Variants in PSAT1 observed in about 807,000 individuals in gnomAD.
PSAT1 encodes the protein phosphoserine aminotransferase 1.
PSAT1 carries 41 observed loss-of-function variants against 40.3 expected under a neutral mutation model. That is an observed-to-expected ratio of 1.02 (90% CI 0.79 to 1.32). The LOEUF is 1.32. Among genes scored for constraint, PSAT1 ranks in the 40% most tolerant of loss-of-function variants. The pLI is 0.00. For synonymous variants in PSAT1, 147 were observed against 170.5 expected (o/e 0.86, Z 1.07); for missense variants, 406 against 455.8 (o/e 0.89, Z 0.99).
chr9:78,298,368 T>C, intron 1 of PSAT1: 2 of 985,328 alleles, frequency 2.0e-6, no homozygotes, highest in Non-Finnish European at 2.4e-6. Flanking sequence ...AGTAGAAATC[T>C]CCCTGGGACA....
intron 6 of PSAT1, among the ~76,000 whole-genome samples, chr9:78,313,713 T>C (rs1414666495): frequency 6.6e-6 from 1 of 152,162 alleles, no homozygotes; most frequent in Non-Finnish European, 1.5e-5. Context: ...AGTGTGATGA[T>C]AGCTCTCAGA....
chr9:78,299,449 A>G (rs1828075153), intron 1 of PSAT1, among the ~76,000 whole-genome samples: 1 of 150,714 alleles, frequency 6.6e-6, no homozygotes, highest in Non-Finnish European at 1.5e-5. Context: ...AGCATCCAAC[A>G]TTTCAGAAAA....
chr9:78,329,336 G>C lies in PSAT1; in HGVS notation c.*250G>C, dbSNP rs187331280. ...CTTGTTGCTTTTCTAACAAATTCCC[G>C]CGTATTTTGCCTTTGCTGCTACTTT... On this transcript the variant is annotated 3_prime_UTR_variant, in exon 9 of 9. Coordinates refer to ENST00000376588, the MANE Select transcript of PSAT1 (RefSeq NM_058179.4). 1 of 485,288 alleles carries C rather than the reference G, an allele frequency of 2.1e-6. No homozygotes were observed. The highest frequency in any genetic ancestry group is 3.9e-5 in the East Asian group (1 of 25,788). The allele number at this position is 485,288 out of a possible 1,614,324, so 30.1% of individuals were successfully genotyped here. A position where few individuals can be genotyped will look rare whatever the true frequency, so the allele number is the denominator to read the frequency against.
chr9:78,313,252 G>C (rs1320983173), intron 6 of PSAT1, among the ~76,000 whole-genome samples: 1 of 152,176 alleles, frequency 6.6e-6, no homozygotes, highest in African/African-American at 2.4e-5. Context: ...TGTAATCCCA[G>C]CTACTCTGGA....
intron 3 of PSAT1, among the ~76,000 whole-genome samples, chr9:78,304,436 G>T (rs775978094): frequency 1.3e-5 from 2 of 152,196 alleles, no homozygotes; most frequent in African/African-American, 4.8e-5. Context: ...GAACCATGTC[G>T]ACTGAGAGTG....
rs546514918 is a variant in PSAT1 at position 78,304,398 on chromosome 9, T to C, written c.192-337T>C. Among the ~76,000 whole-genome samples, 4 of 152,298 alleles carry C rather than the reference T, an allele frequency of 2.6e-5. No individual in the cohort carries two copies. In the South Asian group the frequency reaches 8.3e-4, roughly 32 times the overall value. Reference sequence around the variant, plus strand: ...TTGGCCAGCCTGGGGCAGGTACTCATCCCCTTGAGCCAGGGTTGACCACAG... The same window carrying C: ...TTGGCCAGCCTGGGGCAGGTACTCACCCCCTTGAGCCAGGGTTGACCACAG... On this transcript the variant is annotated intron_variant, in intron 3 of 8. Coordinates refer to ENST00000376588, the MANE Select transcript of PSAT1 (RefSeq NM_058179.4).
intron 6 of PSAT1, among the ~76,000 whole-genome samples, chr9:78,316,755 C>T (rs1828349816): frequency 6.6e-6 from 1 of 152,184 alleles, no homozygotes; most frequent in Admixed American, 6.5e-5. Flanking sequence ...GAGTGGCTGC[C>T]CTACAATGGG....
intron 7 of PSAT1, among the ~76,000 whole-genome samples, chr9:78,326,052 G>A (rs984968274): frequency 3.3e-5 from 5 of 152,156 alleles, no homozygotes; most frequent in African/African-American, 4.8e-5. Context: ...AATGTCAGCC[G>A]TGAAACCTAC....
At chr9:78,321,784 G>A (rs1418587491) in intron 7 of PSAT1, among the ~76,000 whole-genome samples, 1 of 152,176 alleles carries the variant, frequency 6.6e-6, no homozygotes, top group Non-Finnish European at 1.5e-5. Context: ...TTGCCACGGT[G>A]GTGCGTGTGA....
intron 3 of PSAT1, among the ~76,000 whole-genome samples, chr9:78,303,594 C>G (rs536149716): frequency 5.2e-4 from 79 of 152,302 alleles, no homozygotes; most frequent in Non-Finnish European, 8.8e-4. Context: ...ATAATGTGAA[C>G]CTGGAACTCT....
chr9:78,313,377 G>C (rs1305658390), intron 6 of PSAT1, among the ~76,000 whole-genome samples: 2 of 152,062 alleles, frequency 1.3e-5, no homozygotes, highest in African/African-American at 2.4e-5. Context: ...AACAAACAAA[G>C]AAACAAAGAA....
chr9:78,302,733 CA>C (rs373285782), intron 3 of PSAT1, among the ~76,000 whole-genome samples: 1,368 of 104,056 alleles, frequency 0.013, 6 homozygotes, highest in African/African-American at 0.043. Context: ...GACTCCGTCT[CA>C]AAAAAAAAAA....
At position 78,329,163 on chromosome 9, in the gene PSAT1, G is replaced by C. The variant is rs1828545249; in HGVS notation, c.*77G>C. On this transcript the variant is annotated 3_prime_UTR_variant, in exon 9 of 9. Transcript: ENST00000376588. Reference sequence around the variant, plus strand: ...AGTAACTTGGGGATGGCTACAAAAAGTTAACACAGTATTTTTCTCAAATGA... The same window carrying C: ...AGTAACTTGGGGATGGCTACAAAAACTTAACACAGTATTTTTCTCAAATGA... The C allele has an allele frequency of 9.8e-7, 1 of 1,020,930 alleles. No individual in the cohort carries two copies. The highest frequency in any genetic ancestry group is 1.5e-6 in the Non-Finnish European group (1 of 645,606). 63.2% of individuals were successfully genotyped at this position (1,020,930 alleles called of 1,614,324 possible).
intron 5 of PSAT1, 120 bp from the exon 6 acceptor site, chr9:78,308,294 C>T: frequency 5.1e-6 from 6 of 1,169,546 alleles, no homozygotes; most frequent in Non-Finnish European, 6.3e-6. Context: ...GAACTGCTCC[C>T]TACACAGGAT....
intron 6 of PSAT1, among the ~76,000 whole-genome samples, chr9:78,314,379 T>C (rs4877172): frequency 0.67 from 37,214 of 55,644 alleles, 13,053 homozygotes; most frequent in Non-Finnish European, 0.7. Flanking sequence ...GCAGGACCTC[T>C]TATCCTGTGT....
rs748066521 is a variant in PSAT1 at position 78,302,040 on chromosome 9, C to G, written c.191+17C>G. ...GGAATTGCTGTAAGTTTTAAAAAGA[C>G]CAAATCATGTTACTTTTGTTAGATA... On this transcript the variant is annotated intron_variant, in intron 3 of 8. Transcript: ENST00000376588. The G allele has an allele frequency of 6.4e-7, 1 of 1,562,564 alleles. No individual in the cohort carries two copies. Among genetic ancestry groups the G allele is most frequent in the Non-Finnish European group, 8.8e-7 (1 of 1,133,220 alleles).
chr9:78,317,564 C>A (rs1211684719), intron 6 of PSAT1, 112 bp from the exon 7 acceptor site: 15 of 1,289,202 alleles, frequency 1.2e-5, no homozygotes, highest in Non-Finnish European at 1.7e-5. Context: ...TTGTCTATTT[C>A]AAATAATGTG....
In PSAT1 at chr9:78,302,786, CT is replaced by C. The variant is rs929896653; in HGVS notation, c.191+764del. On this transcript the variant is annotated intron_variant, in intron 3 of 8. Coordinates refer to ENST00000376588, the MANE Select transcript of PSAT1 (RefSeq NM_058179.4). ...ATCAAGTGGTGGGCACCACTTAGTC[CT>C]GCTGAATCAGAATCTCTGGAGAGAC... Among the ~76,000 whole-genome samples, 27 of 150,334 alleles carry C rather than the reference CT, an allele frequency of 1.8e-4. No homozygotes were observed. The Middle Eastern group carries it at 0.018, about 98-fold the overall frequency.
chr9:78,297,146 C>T lies in PSAT1; in HGVS notation c.-65C>T. ...GGCTGCAGACTCTCACCGCAGCGGC[C>T]AGGAACGCCAGCCGTTCACGCGTTC... On this transcript the variant is annotated 5_prime_UTR_variant, in exon 1 of 9. Transcript: ENST00000376588. 6.6e-7 allele frequency: 1 copy of T among 1,507,900 alleles called. No homozygotes were observed. Among genetic ancestry groups the T allele is most frequent in the South Asian group, 1.2e-5 (1 of 84,192 alleles). 93.4% of individuals were successfully genotyped at this position (1,507,900 alleles called of 1,614,324 possible).
Sources: gnomAD v4.1 joint callset for allele counts (sites outside exome capture counted in the v4.1 genomes callset) on GRCh38, gnomAD v4.1.1 for gene constraint, MANE v1.5 for transcripts, NCBI Gene and HGNC (gene_info 2026-07-23, HGNC 2026-07-21) for gene names.